PSMD11: variants seen among roughly 807,000 people sequenced by gnomAD.
PSMD11 encodes proteasome 26S subunit, non-ATPase 11.
A neutral mutation model predicts 62.3 loss-of-function variants in PSMD11; 5 were observed. The observed-to-expected ratio is 0.08, with a 90% confidence interval of 0.04 to 0.17. The LOEUF is 0.17. Ranked by LOEUF, PSMD11 falls within the 10% of genes least tolerant of loss-of-function variation. The pLI is 1.00. For synonymous variants in PSMD11, 191 were observed against 191.8 expected, an observed-to-expected ratio of 1.00 and a Z score of 0.03; for missense variants, 310 against 512.9, an observed-to-expected ratio of 0.60 and a Z score of 3.82.
chr17:32,477,603 G>A lies in PSMD11; in HGVS notation c.912+20G>A, dbSNP rs199984366. 104 of 1,587,996 alleles carry A rather than the reference G, an allele frequency of 6.5e-5. No homozygotes were observed. In the South Asian group the frequency reaches 1.0e-3, roughly 15 times the overall value. On this transcript the variant is annotated intron_variant, in intron 9 of 13. Coordinates refer to ENST00000261712, the MANE Select transcript of PSMD11 (RefSeq NM_002815.4). ...GAAAAGGTGAGTATGATATTGGGTT[G>A]GTATGGAATGTGAGTGGAAGAGAGG...
At chr17:32,444,737 C>A in intron 1 of PSMD11, 123 bp downstream of exon 1, 1 of 1,261,804 alleles carries the variant, frequency 7.9e-7, no homozygotes, top group Non-Finnish European at 1.1e-6. Context: ...GTGAGGGGGG[C>A]CGGGCCGGGG....
intron 2 of PSMD11, 190 bp downstream of exon 2, chr17:32,447,236 G>T: frequency 2.0e-6 from 1 of 504,634 alleles, no homozygotes; most frequent in Non-Finnish European, 3.5e-6. Flanking sequence ...GTTTAGTTTT[G>T]CAAATGAGAG....
intron 7 of PSMD11, 63 bp downstream of exon 7, chr17:32,474,008 G>A: frequency 2.5e-6 from 4 of 1,582,178 alleles, no homozygotes; most frequent in African/African-American, 1.3e-5. Context: ...GTTTGCCATG[G>A]CAGAGATGGC....
intron 2 of PSMD11, among the ~76,000 whole-genome samples, chr17:32,451,819 G>A (rs778597069): frequency 6.6e-6 from 1 of 152,142 alleles, no homozygotes; most frequent in African/African-American, 2.4e-5. Context: ...GCTCACTGCA[G>A]CCTCGACCTC....
intron 2 of PSMD11, among the ~76,000 whole-genome samples, chr17:32,450,422 A>ATTTTTTTTTTTT (rs58292122): frequency 7.7e-6 from 1 of 129,538 alleles, no homozygotes; most frequent in Non-Finnish European, 1.6e-5. Context: ...TGCTCGGCTA[A>ATTTTTTTTTTTT]TTTTTTTTTT....
intron 1 of PSMD11, chr17:32,445,343 G>C (rs1276454670): frequency 2.0e-5 from 3 of 152,348 alleles, no homozygotes; most frequent in Non-Finnish European, 4.4e-5. Flanking sequence ...GCCTGTAGGG[G>C]TTGGAAGTGA....
Position 32,444,626 on chromosome 17 carries a change from C to G in PSMD11, c.91+12C>G, listed in dbSNP as rs1907267289. 2 of 1,610,176 alleles carry G rather than the reference C, an allele frequency of 1.2e-6. No homozygotes were observed. Among genetic ancestry groups the G allele is most frequent in the Middle Eastern group, 1.7e-4 (1 of 6,028 alleles). On this transcript the variant is annotated intron_variant, in intron 1 of 13. Coordinates refer to ENST00000261712, the MANE Select transcript of PSMD11 (RefSeq NM_002815.4). Reference sequence around the variant, plus strand: ...CCTCCACTCCATCGGTAAAGGTCGCCGCGCCGCCTCCCCGGCCCCGCCGGC... The same window carrying G: ...CCTCCACTCCATCGGTAAAGGTCGCGGCGCCGCCTCCCCGGCCCCGCCGGC...
At chr17:32,472,926 C>T (rs1173685083) in intron 6 of PSMD11, among the ~76,000 whole-genome samples, 1 of 147,924 alleles carries the variant, frequency 6.8e-6, no homozygotes, top group Non-Finnish European at 1.5e-5. Context: ...GAAGCCGAGG[C>T]GGGTGGATCA....
chr17:32,479,524 T>C (rs1908428629), intron 10 of PSMD11, 148 bp downstream of exon 10: 1 of 1,189,804 alleles, frequency 8.4e-7, no homozygotes, highest in Non-Finnish European at 1.2e-6. Context: ...GTTGATAAAA[T>C]GAACAAAAAT....
chr17:32,474,922 C>A (rs2150839035), intron 8 of PSMD11, 98 bp downstream of exon 8: 1 of 1,058,512 alleles, frequency 9.4e-7, no homozygotes, highest in Non-Finnish European at 1.5e-6. Flanking sequence ...GATCTTCATA[C>A]TACTCTCTTC....
chr17:32,461,443 C>T (rs903326490), intron 3 of PSMD11, among the ~76,000 whole-genome samples: 16 of 152,012 alleles, frequency 1.1e-4, no homozygotes, highest in East Asian at 9.7e-4. Context: ...TGGTGGCAGG[C>T]GCCTGCAATC....
intron 1 of PSMD11, among the ~76,000 whole-genome samples, chr17:32,446,705 G>A (rs1359458217): frequency 6.6e-6 from 1 of 151,762 alleles, no homozygotes; most frequent in East Asian, 1.9e-4. Context: ...TGGGTAGAAT[G>A]AAAAGGCACA....
Position 32,447,063 on chromosome 17 carries a change from G to A in PSMD11, c.193+17G>A, listed in dbSNP as rs777964668. On this transcript the variant is annotated intron_variant, in intron 2 of 13. Coordinates refer to ENST00000261712, the MANE Select transcript of PSMD11 (RefSeq NM_002815.4). The stretch of plus-strand genomic sequence containing the variant: ...AAGCTGCAGGTAAGTGCTACACATG[G>A]ATTGTATCTGAAATGCTCAGTGAAA... 1 of 1,549,508 alleles carries A rather than the reference G, an allele frequency of 6.5e-7. No homozygotes were observed. Among genetic ancestry groups the A allele is most frequent in the Non-Finnish European group, 8.9e-7 (1 of 1,127,404 alleles).
At chr17:32,457,363 G>C (rs1414880282) in intron 3 of PSMD11, among the ~76,000 whole-genome samples, 1 of 152,004 alleles carries the variant, frequency 6.6e-6, no homozygotes, top group East Asian at 1.9e-4. Flanking sequence ...TCAGCCTCCT[G>C]AGTAGCTGGA....
rs138901273 is a variant in PSMD11, at chr17:32,474,764, C to T, written c.789C>T (p.Thr263=). Residue 263 remains threonine, a splice_region_variant and synonymous_variant, in exon 8 of 14, where the codon ACC becomes ACT. Transcript: ENST00000261712. The part of the protein sequence containing the change: ...YMLLCKIMLN[T]PEDVQALVSG... Reference sequence around the variant, plus strand: ...TGACCAAGTATGTCTTTTTTTCTAGCCCAGAAGATGTCCAGGCTTTGGTGA... The same window carrying T: ...TGACCAAGTATGTCTTTTTTTCTAGTCCAGAAGATGTCCAGGCTTTGGTGA... 6.2e-7 allele frequency: 1 copy of T among 1,613,832 alleles called. No individual in the cohort carries two copies. Among genetic ancestry groups the T allele is most frequent in the African/African-American group, 1.3e-5 (1 of 74,862 alleles).
At chr17:32,455,445 A>G (rs1907620811) in intron 3 of PSMD11, among the ~76,000 whole-genome samples, 1 of 152,194 alleles carries the variant, frequency 6.6e-6, no homozygotes, top group Non-Finnish European at 1.5e-5. Flanking sequence ...ACAAATGTAA[A>G]ATGGCAGATA....
chr17:32,467,242 C>CTTTTTT (rs751751489), intron 5 of PSMD11, among the ~76,000 whole-genome samples: 240 of 120,534 alleles, frequency 2.0e-3, no homozygotes, highest in African/African-American at 6.1e-3. Flanking sequence ...CATGCCCGGC[C>CTTTTTT]TTTTTTTTTT....
intron 2 of PSMD11, among the ~76,000 whole-genome samples, chr17:32,448,824 G>A (rs1200883995): frequency 1.3e-5 from 2 of 152,196 alleles, no homozygotes; most frequent in Non-Finnish European, 2.9e-5. Flanking sequence ...ATAACTGGTA[G>A]ACCTAGGATT....
At chr17:32,460,438 G>A (rs539610278) in intron 3 of PSMD11, among the ~76,000 whole-genome samples, 1 of 152,154 alleles carries the variant, frequency 6.6e-6, no homozygotes, top group African/African-American at 2.4e-5. Context: ...ATATGAGGGA[G>A]GGGATTTCCC....
Sources: gnomAD v4.1 joint callset for allele counts (sites outside exome capture counted in the v4.1 genomes callset) on GRCh38, gnomAD v4.1.1 for gene constraint, MANE v1.5 for transcripts, NCBI Gene and HGNC (gene_info 2026-07-23, HGNC 2026-07-21) for gene names.